The following R3HDM4 variants were observed in gnomAD, a reference collection of about 807,000 sequenced individuals.
R3HDM4 encodes R3H domain-containing protein 4.
Under a neutral mutation model 31.3 loss-of-function variants are expected in R3HDM4, and 30 were observed. The ratio of observed to expected loss-of-function variants is 0.96; its 90% CI spans 0.72 to 1.30. The LOEUF is 1.30. R3HDM4 is among the 50% of genes most tolerant of loss of function. The pLI, the probability that R3HDM4 is intolerant of heterozygous loss-of-function variation, is 0.00. For synonymous variants in R3HDM4, 196 were observed against 156.6 expected, an observed-to-expected ratio of 1.25 and a Z score of -1.88; for missense variants, 444 against 366.1, an observed-to-expected ratio of 1.21 and a Z score of -1.74.
Position 899,296 on chromosome 19 carries a change from C to T in R3HDM4, c.703+144G>A, listed in dbSNP as rs2036790766. The T allele has an allele frequency of 5.0e-6, 4 of 807,062 alleles. No individual in the cohort carries two copies. Among genetic ancestry groups the T allele is most frequent in the Non-Finnish European group, 8.1e-6 (4 of 493,106 alleles). 50.0% of individuals were successfully genotyped at this position (807,062 alleles called of 1,614,324 possible). ...ATTCAAGGCAGGGTCCCACTGCCACCCCTGAGTTCGTAGCGTCCCCACTCC... is the reference window on the plus strand; with the variant it reads ...ATTCAAGGCAGGGTCCCACTGCCACTCCTGAGTTCGTAGCGTCCCCACTCC... On this transcript the variant is annotated intron_variant, in intron 7 of 7. Transcript: ENST00000361574. This position sits in a 1 kb window ranked among gnomAD's most constrained non-coding sequence, Gnocchi z 6.8.
intron 3 of R3HDM4, 25 bp from the exon 4 acceptor site, chr19:900,977 C>G: frequency 6.5e-7 from 1 of 1,542,776 alleles, no homozygotes; most frequent in Non-Finnish European, 8.7e-7. Flanking sequence ...GGGAGGCAGG[C>G]TTGCCATGAA....
In R3HDM4 at chr19:904,890, C is replaced by T. The variant is rs115654891; in HGVS notation, c.72-2760G>A. On this transcript the variant is annotated intron_variant, in intron 1 of 7. Transcript: ENST00000361574. ...TAAGTCTGTGCACTTTACAGACCAG[C>T]TGTTACATCTCAATCAAAAGTAAAC... Among the ~76,000 whole-genome samples the T allele has an allele frequency of 6.7e-3, 1,024 of 152,266 alleles. 14 individuals are homozygous for T. The highest frequency in any genetic ancestry group is 0.024 in the African/African-American group (978 of 41,552).
chr19:901,247 G>A (rs972670370), intron 3 of R3HDM4, 175 bp downstream of exon 3: 7 of 726,474 alleles, frequency 9.6e-6, no homozygotes, highest in Non-Finnish European at 1.5e-5. Flanking sequence ...GGTTCCAGGG[G>A]TGGGGTGGGG....
Position 899,577 on chromosome 19 carries a change from G to A in R3HDM4, c.647+24C>T, listed in dbSNP as rs201742081. 3.2e-5 allele frequency: 51 copies of A among 1,611,936 alleles called. No homozygotes were observed. Among genetic ancestry groups the A allele is most frequent in the African/African-American group, 2.1e-4 (16 of 75,004 alleles). On this transcript the variant is annotated intron_variant, in intron 6 of 7. Transcript: ENST00000361574. The surrounding 1 kb of genome is among the most constrained non-coding windows in gnomAD (Gnocchi z 6.8). ...ACCTGGCCGCAGCCTCGGAGGGTCCGCTCGCCTGGCCGCCCCCCCTTACCT... is the reference window on the plus strand; with the variant it reads ...ACCTGGCCGCAGCCTCGGAGGGTCCACTCGCCTGGCCGCCCCCCCTTACCT...
rs1390562213 is a variant in R3HDM4 at position 899,310 on chromosome 19, C to T, written c.703+130G>A. On this transcript the variant is annotated intron_variant, in intron 7 of 7. Coordinates refer to ENST00000361574, the MANE Select transcript of R3HDM4 (RefSeq NM_138774.4). This position sits in a 1 kb window ranked among gnomAD's most constrained non-coding sequence, Gnocchi z 6.8. Reference sequence around the variant, plus strand: ...CCCACTGCCACCCCTGAGTTCGTAGCGTCCCCACTCCAGCCCCCTTCCCCA... The same window carrying T: ...CCCACTGCCACCCCTGAGTTCGTAGTGTCCCCACTCCAGCCCCCTTCCCCA... 9.9e-6 allele frequency: 9 copies of T among 907,818 alleles called. No individual in the cohort carries two copies. Among genetic ancestry groups the T allele is most frequent in the Middle Eastern group, 3.1e-4 (1 of 3,208 alleles). 56.2% of individuals were successfully genotyped at this position (907,818 alleles called of 1,614,324 possible). A position where few individuals can be genotyped will look rare whatever the true frequency, so the allele number is the denominator to read the frequency against.
intron 1 of R3HDM4, among the ~76,000 whole-genome samples, chr19:911,959 C>A (rs2036976357): frequency 6.7e-6 from 1 of 150,286 alleles, no homozygotes; most frequent in Admixed American, 6.6e-5. Flanking sequence ...AGGGACCAGG[C>A]TGGAGCGCAT....
Position 899,930 on chromosome 19 carries a change from G to C in R3HDM4, c.561+131C>G, listed in dbSNP as rs549508822. The C allele has an allele frequency of 2.9e-4, 289 of 995,882 alleles. No individual in the cohort carries two copies. In the African/African-American group the frequency reaches 3.8e-3, roughly 13 times the overall value. The allele number at this position is 995,882 out of a possible 1,614,324, so 61.7% of individuals were successfully genotyped here. On this transcript the variant is annotated intron_variant, in intron 5 of 7. Transcript: ENST00000361574. This position sits in a 1 kb window ranked among gnomAD's most constrained non-coding sequence, Gnocchi z 6.8. ...CCCCGCCCTCCTACTCAGGGCCCTG[G>C]TGCCGCTGTCTGTATCCTGCCCTGT...
At chr19:901,217 G>A (rs2036832378) in intron 3 of R3HDM4, 1 of 675,208 alleles carries the variant, frequency 1.5e-6, no homozygotes, top group Admixed American at 3.0e-5. Flanking sequence ...GTGTTGGGCA[G>A]GTGAATCCAG....
intron 7 of R3HDM4, among the ~76,000 whole-genome samples, chr19:898,381 G>T (rs1224216572): frequency 1.4e-5 from 2 of 140,874 alleles, no homozygotes; most frequent in African/African-American, 2.6e-5. Flanking sequence ...CTCCAGCATG[G>T]GTGACAGAGC....
intron 1 of R3HDM4, among the ~76,000 whole-genome samples, chr19:911,075 C>G (rs1032638410): frequency 1.3e-5 from 2 of 151,752 alleles, no homozygotes; most frequent in Non-Finnish European, 2.9e-5. Flanking sequence ...GAGCCGAGAT[C>G]GCCCCACTGC....
intron 5 of R3HDM4, 39 bp downstream of exon 5, chr19:900,022 G>C (rs112274080): frequency 6.4e-5 from 102 of 1,590,296 alleles, no homozygotes; most frequent in Non-Finnish European, 8.4e-5. Context: ...AAAAAGACCA[G>C]GCAGGTAGAA....
intron 1 of R3HDM4, among the ~76,000 whole-genome samples, chr19:909,470 C>T (rs958395622): frequency 1.3e-5 from 2 of 152,090 alleles, no homozygotes; most frequent in Non-Finnish European, 2.9e-5. Flanking sequence ...AGTGTATTTA[C>T]ATAGTTACAT....
At chr19:908,701 C>G (rs910072810) in intron 1 of R3HDM4, among the ~76,000 whole-genome samples, 6 of 152,218 alleles carry the variant, frequency 3.9e-5, no homozygotes, top group African/African-American at 1.4e-4. Flanking sequence ...GCCCCGGTCT[C>G]TGCCTGATGC....
rs76013228 is a variant in R3HDM4, at chr19:897,316, C to G, written c.*121G>C. 1.1e-4 allele frequency: 84 copies of G among 732,810 alleles called. No individual in the cohort carries two copies. The African/African-American group carries it at 1.4e-3, about 12-fold the overall frequency. The allele number at this position is 732,810 out of a possible 1,614,324, so 45.4% of individuals were successfully genotyped here. ...GAGGAGGGGGCAGAGTGAGAGAGAC[C>G]ACCCCAAGCGAAAAAGGTTTCCGAG... On this transcript the variant is annotated 3_prime_UTR_variant, in exon 8 of 8. Coordinates refer to ENST00000361574, the MANE Select transcript of R3HDM4 (RefSeq NM_138774.4).
At chr19:900,003 G>T in intron 5 of R3HDM4, 58 bp downstream of exon 5, 1 of 1,516,582 alleles carries the variant, frequency 6.6e-7, no homozygotes, top group Non-Finnish European at 9.1e-7. Context: ...CCTGGGAAAC[G>T]GGCCTTCAAA....
chr19:900,161 G>A lies in R3HDM4; in HGVS notation c.476-15C>T, dbSNP rs780992860. 125 of 1,547,714 alleles carry A rather than the reference G, an allele frequency of 8.1e-5. No homozygotes were observed. The East Asian group carries it at 2.7e-3, about 34-fold the overall frequency. ...GGCGGGGTCCTCTGCAGGAGTGGGG[G>A]AACAAGGGGCAGTCTTGGGGTGCTC... On this transcript the variant is annotated splice_polypyrimidine_tract_variant and intron_variant, in intron 4 of 7. Transcript: ENST00000361574.
rs779277120 is a variant in R3HDM4 at position 900,963 on chromosome 19, G to A, written c.352-11C>T. ...GAAATCGTTCCAGACCTGGAAGAGA[G>A]GCAGGGAGGCAGGCTTGCCATGAAA... is the stretch of plus-strand genomic sequence containing the variant. On this transcript the variant is annotated splice_polypyrimidine_tract_variant and intron_variant, in intron 3 of 7. Transcript: ENST00000361574. 2 of 1,556,894 alleles carry A rather than the reference G, an allele frequency of 1.3e-6. No individual in the cohort carries two copies. The highest frequency in any genetic ancestry group is 2.3e-5 in the East Asian group (1 of 42,736).
intron 3 of R3HDM4, chr19:901,183 G>A: frequency 1.5e-6 from 1 of 665,024 alleles, no homozygotes; most frequent in Admixed American, 3.0e-5. Flanking sequence ...AAACACTCCT[G>A]CAATCGTTGG....
At chr19:908,069 G>A (rs2036928407) in intron 1 of R3HDM4, among the ~76,000 whole-genome samples, 1 of 152,186 alleles carries the variant, frequency 6.6e-6, no homozygotes, top group Non-Finnish European at 1.5e-5. Flanking sequence ...GCGCACGCCT[G>A]TAGTCCCAGC....
Sources: allele counts gnomAD v4.1 joint callset (sites outside exome capture counted in the v4.1 genomes callset), GRCh38; gene constraint gnomAD v4.1.1; non-coding constraint Gnocchi (gnomAD v3.1); transcripts MANE v1.5; gene names NCBI Gene and HGNC (gene_info 2026-07-23, HGNC 2026-07-21).